Variants in ADAMTSL1 observed in about 807,000 individuals in gnomAD.
ADAMTSL1 encodes the protein ADAMTS-like protein 1.
A neutral mutation model predicts 201.8 loss-of-function variants in ADAMTSL1; 126 were observed. The observed-to-expected ratio is 0.62, with a 90% confidence interval of 0.54 to 0.72. ADAMTSL1 has a LOEUF of 0.72. Among genes scored for constraint, ADAMTSL1 ranks in the 30% least tolerant of loss-of-function variants. ADAMTSL1 has a pLI of 0.00. For missense variants in ADAMTSL1, 2,679 were observed against 2,277.8 expected, an observed-to-expected ratio of 1.18 and a Z score of -3.59; for synonymous variants, 1,121 against 903.4, an observed-to-expected ratio of 1.24 and a Z score of -4.32.
At chr9:18,164,483 C>T (rs1291266075) in intron 2 of ADAMTSL1, among the ~76,000 whole-genome samples, 2 of 151,674 alleles carry the variant, frequency 1.3e-5, no homozygotes, top group African/African-American at 4.8e-5. Flanking sequence ...AAAATGAGCT[C>T]TCAAATGAAA....
intron 23 of ADAMTSL1, among the ~76,000 whole-genome samples, chr9:18,861,298 C>G (rs920216334): frequency 1.3e-5 from 2 of 152,188 alleles, no homozygotes; most frequent in Admixed American, 6.5e-5. Flanking sequence ...TTATCAATTC[C>G]CAGCAGAACA....
At chr9:18,411,111 C>G (rs980641302) in intron 2 of ADAMTSL1, among the ~76,000 whole-genome samples, 1 of 151,412 alleles carries the variant, frequency 6.6e-6, no homozygotes, top group African/African-American at 2.4e-5. Context: ...ATCCACCCAC[C>G]TTGGTCTCCC....
At chr9:18,174,021 T>C (rs1357136635) in intron 2 of ADAMTSL1, among the ~76,000 whole-genome samples, 1 of 152,164 alleles carries the variant, frequency 6.6e-6, no homozygotes, top group Non-Finnish European at 1.5e-5. Context: ...TCACATATCT[T>C]TAGTATAGTT....
At chr9:17,930,355 T>G (rs1563902290) in intron 1 of ADAMTSL1, among the ~76,000 whole-genome samples, 1 of 152,106 alleles carries the variant, frequency 6.6e-6, no homozygotes, top group Non-Finnish European at 1.5e-5. Flanking sequence ...TAAGTTTTCT[T>G]GGGGGTAGTC....
intron 1 of ADAMTSL1, among the ~76,000 whole-genome samples, chr9:18,051,266 A>T (rs765822406): frequency 1.3e-5 from 2 of 152,076 alleles, no homozygotes. Flanking sequence ...GTGCCACTGC[A>T]CTCCAGGCTG....
intron 2 of ADAMTSL1, among the ~76,000 whole-genome samples, chr9:18,265,699 G>A (rs531634445): frequency 6.6e-6 from 1 of 152,042 alleles, no homozygotes; most frequent in Admixed American, 6.6e-5. Flanking sequence ...TAAGCATTGA[G>A]AAATTTTTGC....
chr9:18,192,825 C>G (rs187526005), intron 2 of ADAMTSL1, among the ~76,000 whole-genome samples: 1 of 152,076 alleles, frequency 6.6e-6, no homozygotes, highest in Non-Finnish European at 1.5e-5. Flanking sequence ...TTTCATATCC[C>G]TATTCCTAGT....
chr9:17,942,028 A>T (rs973128143), intron 1 of ADAMTSL1, among the ~76,000 whole-genome samples: 2 of 152,104 alleles, frequency 1.3e-5, no homozygotes, highest in Non-Finnish European at 2.9e-5. Flanking sequence ...TTTTGAGGGG[A>T]CACAAGCGTT....
At chr9:17,980,097 G>A (rs578063344) in intron 1 of ADAMTSL1, among the ~76,000 whole-genome samples, 3 of 152,136 alleles carry the variant, frequency 2.0e-5, no homozygotes, top group African/African-American at 7.2e-5. Context: ...GTACTGCGTG[G>A]GCAGTACAGA....
chr9:18,503,201 C>A (rs2131920129), intron 1 of ADAMTSL1, among the ~76,000 whole-genome samples: 1 of 151,776 alleles, frequency 6.6e-6, no homozygotes, highest in East Asian at 1.9e-4. Context: ...AAACAACTCC[C>A]CATTCCCCTC....
intron 26 of ADAMTSL1, among the ~76,000 whole-genome samples, chr9:18,904,197 G>C (rs139225278): frequency 6.6e-6 from 1 of 152,124 alleles, no homozygotes; most frequent in Non-Finnish European, 1.5e-5. Flanking sequence ...GGCCAGGCAC[G>C]GTGGCTTACA....
chr9:18,217,853 GT>G (rs1157081371), intron 2 of ADAMTSL1, among the ~76,000 whole-genome samples: 66 of 147,202 alleles, frequency 4.5e-4, no homozygotes, highest in South Asian at 1.9e-3. Context: ...GAGGAAAGTT[GT>G]TTTTTTTTTT....
At chr9:17,955,093 T>C (rs1827881015) in intron 1 of ADAMTSL1, among the ~76,000 whole-genome samples, 1 of 152,192 alleles carries the variant, frequency 6.6e-6, no homozygotes, top group Non-Finnish European at 1.5e-5. Flanking sequence ...ATGCCGTGTG[T>C]GTATACGATA....
At chr9:18,532,125 G>A (rs886885710) in intron 2 of ADAMTSL1, among the ~76,000 whole-genome samples, 44 of 152,200 alleles carry the variant, frequency 2.9e-4, no homozygotes, top group African/African-American at 9.6e-4. Context: ...TAAAAAATGT[G>A]TGACATATTT....
rs143432572 is a variant in ADAMTSL1, at chr9:18,057,850, C to A, written c.88-106012C>A. On this transcript the variant is annotated intron_variant, in intron 1 of 29. Coordinates refer to the ADAMTSL1 transcript ENST00000680146. ...TGAGTTTTAATGTCACTATTTGAAGCTGACCATCTTCTTTGAACCCCTAGT... is the reference window on the plus strand; with the variant it reads ...TGAGTTTTAATGTCACTATTTGAAGATGACCATCTTCTTTGAACCCCTAGT... Among the ~76,000 whole-genome samples, 9 of 152,348 alleles carry A rather than the reference C, an allele frequency of 5.9e-5. No individual in the cohort carries two copies. In the East Asian group the frequency reaches 1.4e-3, roughly 23 times the overall value.
chr9:18,427,411 T>C (rs534989551), intron 2 of ADAMTSL1, among the ~76,000 whole-genome samples: 2 of 152,350 alleles, frequency 1.3e-5, no homozygotes, highest in South Asian at 2.1e-4. Flanking sequence ...AGCTATGTCA[T>C]AGAAGTGTGT....
chr9:18,016,708 G>C (rs1820274860), intron 1 of ADAMTSL1, among the ~76,000 whole-genome samples: 1 of 151,890 alleles, frequency 6.6e-6, no homozygotes, highest in African/African-American at 2.4e-5. Flanking sequence ...AAGGTGCCAT[G>C]TACAAAAAAA....
At chr9:18,038,440 AC>A (rs1821296513) in intron 1 of ADAMTSL1, among the ~76,000 whole-genome samples, 1 of 152,148 alleles carries the variant, frequency 6.6e-6, no homozygotes, top group Non-Finnish European at 1.5e-5. Context: ...TCAAGGAGAA[AC>A]TTTTTTTCAC....
At chr9:18,109,501 G>A (rs141056881) in intron 1 of ADAMTSL1, among the ~76,000 whole-genome samples, 9 of 152,230 alleles carry the variant, frequency 5.9e-5, no homozygotes, top group African/African-American at 2.2e-4. Flanking sequence ...CTTCAGTTTA[G>A]GACTCACATA....
Sources: gnomAD v4.1 joint callset for allele counts (sites outside exome capture counted in the v4.1 genomes callset) on GRCh38, gnomAD v4.1.1 for gene constraint, MANE v1.5 for transcripts, NCBI Gene and HGNC (gene_info 2026-07-23, HGNC 2026-07-21) for gene names.